Variants in CLCA2 observed in about 807,000 individuals in gnomAD.
CLCA2 encodes chloride channel accessory 2, also known as calcium-activated chloride channel regulator 2.
Under a neutral mutation model 82.9 loss-of-function variants are expected in CLCA2, and 85 were observed. The observed-to-expected ratio is 1.03, with a 90% CI of 0.86 to 1.23. The LOEUF (loss-of-function observed/expected upper bound fraction) is 1.23. CLCA2 is among the 50% of genes most tolerant of loss of function. The pLI, the probability that CLCA2 is intolerant of heterozygous loss-of-function variation, is 0.00. For synonymous variants in CLCA2, 421 were observed against 391.7 expected, an observed-to-expected ratio of 1.07 and a Z score of -0.88; for missense variants, 1,089 against 1,124.8, an observed-to-expected ratio of 0.97 and a Z score of 0.45.
In CLCA2 at chr1:86,455,504, G is replaced by C. The variant is rs755984194; in HGVS notation, c.2809G>C (p.Glu937Gln). 6.7e-7 allele frequency: 1 copy of C among 1,487,072 alleles called. No homozygotes were observed. The highest frequency in any genetic ancestry group is 2.3e-5 in the East Asian group (1 of 42,858). The allele number at this position is 1,487,072 out of a possible 1,614,324, so 92.1% of individuals were successfully genotyped here. A position where few individuals can be genotyped will look rare whatever the true frequency, so the allele number is the denominator to read the frequency against. Reference protein sequence around the residue: ...LSRKKRADKKENGTKLL With the variant: ...LSRKKRADKKQNGTKLL Reference sequence around the variant, plus strand: ...CAGGAAAAAGAGAGCAGACAAGAAAGAGAATGGAACAAAATTATTATAAAT... The same window carrying C: ...CAGGAAAAAGAGAGCAGACAAGAAACAGAATGGAACAAAATTATTATAAAT... Residue 937 changes from glutamate to glutamine, a missense_variant, in exon 14 of 14, where the codon GAG becomes CAG. Transcript: ENST00000370565.
At chr1:86,437,540 T>C (rs919217778) in intron 6 of CLCA2, among the ~76,000 whole-genome samples, 7 of 152,138 alleles carry the variant, frequency 4.6e-5, no homozygotes, top group African/African-American at 1.7e-4. Flanking sequence ...GGAGGACATT[T>C]GTGGGAAGAG....
chr1:86,440,967 A>G lies in CLCA2; in HGVS notation c.1382-470A>G, dbSNP rs563454948. ...ACACACACAGTGTTTTAAGATACAT[A>G]TCTTTTTATACTAAATAAGGCACAG... On this transcript the variant is annotated intron_variant, in intron 8 of 13. Transcript: ENST00000370565. Among the ~76,000 whole-genome samples the G allele has an allele frequency of 2.6e-5, 4 of 152,312 alleles. No homozygotes were observed. In the South Asian group the frequency reaches 8.3e-4, roughly 32 times the overall value.
chr1:86,434,584 A>G lies in CLCA2; in HGVS notation c.811A>G (p.Ser271Gly). The change falls in exon 6 of 14, where the codon AGC (serine) becomes GGC (glycine). Residue 271 changes from serine to glycine, a missense_variant. By Grantham distance (56) the Ser-to-Gly change is moderately conservative. Coordinates refer to ENST00000370565, the MANE Select transcript of CLCA2 (RefSeq NM_006536.7). ...EAPNLQNQMC[S>G]LRSAWDVITD... ...ACCAAACCTACAGAACCAGATGTGC[A>G]GCCTCAGAAGTGCATGGGATGTAAT... 6.2e-7 allele frequency: 1 copy of G among 1,614,126 alleles called. No individual in the cohort carries two copies.
At position 86,443,885 on chromosome 1, in the gene CLCA2, G is replaced by A. The variant is rs548600933; in HGVS notation, c.1587G>A (p.Thr529=). The A allele has an allele frequency of 8.1e-6, 13 of 1,613,792 alleles. No homozygotes were observed. The highest frequency in any genetic ancestry group is 4.5e-5 in the East Asian group (2 of 44,858). ...GCAACGACACTATGTTTCTAGTTAC[G>A]TGGCAGGCCAGTGGTCCTCCTGAGA... ...TVGNDTMFLV[T]WQASGPPEII... The change falls in exon 10 of 14, where the codon ACG becomes ACA. Residue 529 remains threonine, a synonymous_variant. Coordinates refer to ENST00000370565, the MANE Select transcript of CLCA2 (RefSeq NM_006536.7).
chr1:86,452,957 G>T (rs1049013544), intron 12 of CLCA2, among the ~76,000 whole-genome samples: 1 of 152,110 alleles, frequency 6.6e-6, no homozygotes, highest in Non-Finnish European at 1.5e-5. Context: ...GGCGGATCAC[G>T]AGGACAGGAG....
At chr1:86,438,072 T>G (rs759594528) in intron 6 of CLCA2, among the ~76,000 whole-genome samples, 2 of 152,122 alleles carry the variant, frequency 1.3e-5, no homozygotes, top group African/African-American at 2.4e-5. Flanking sequence ...CACTCCCAAC[T>G]AGTTAAGCCA....
intron 3 of CLCA2, among the ~76,000 whole-genome samples, chr1:86,429,131 T>A (rs1484874525): frequency 6.6e-6 from 1 of 152,082 alleles, no homozygotes; most frequent in Non-Finnish European, 1.5e-5. Flanking sequence ...TGGCTTCCTC[T>A]GATCAATGAA....
chr1:86,440,216 GCTT>G lies in CLCA2; in HGVS notation c.1276_1278del (p.Leu426del). On this transcript the variant is annotated inframe_deletion, in exon 8 of 14. Coordinates refer to ENST00000370565, the MANE Select transcript of CLCA2 (RefSeq NM_006536.7). ...TATTAGTGACCAGCGGAGATGATAA[GCTT>G]CTTGGCAATTGCTTACCCACTGTGC... 6.2e-7 allele frequency: 1 copy of G among 1,614,128 alleles called. No individual in the cohort carries two copies. Among genetic ancestry groups the G allele is most frequent in the South Asian group, 1.1e-5 (1 of 91,084 alleles).
rs1431387462 is a variant in CLCA2 at position 86,434,559 on chromosome 1, A to G, written c.786A>G (p.Ala262=). ...FCNASTHNQE[A]PNLQNQMCSL... is the part of the protein sequence containing the mutation. ...ATGCAAGTACCCACAACCAAGAAGCACCAAACCTACAGAACCAGATGTGCA... is the reference window on the plus strand; with the variant it reads ...ATGCAAGTACCCACAACCAAGAAGCGCCAAACCTACAGAACCAGATGTGCA... The change falls in exon 6 of 14, where the codon GCA becomes GCG. Residue 262 remains alanine, a synonymous_variant. Transcript: ENST00000370565. The G allele has an allele frequency of 6.2e-7, 1 of 1,614,088 alleles. No homozygotes were observed. The highest frequency in any genetic ancestry group is 1.1e-5 in the South Asian group (1 of 91,074).
In CLCA2 at chr1:86,447,585, C is replaced by T; in HGVS notation, c.1791C>T (p.Ala597=). Reference sequence around the variant, plus strand: ...TGAAAGTGACAGTGACCTCTCGCGCCTCCAACTCAGCTGTGCCCCCAGCCA... The same window carrying T: ...TGAAAGTGACAGTGACCTCTCGCGCTTCCAACTCAGCTGTGCCCCCAGCCA... The part of the protein sequence containing the change: ...QALKVTVTSR[A]SNSAVPPATV... Residue 597 remains alanine (A), a synonymous_variant, in exon 11 of 14, where the codon GCC becomes GCT. Transcript: ENST00000370565. 10 of 1,614,140 alleles carry T rather than the reference C, an allele frequency of 6.2e-6. No homozygotes were observed. Among genetic ancestry groups the T allele is most frequent in the Admixed American group, 1.7e-5 (1 of 60,004 alleles).
intron 7 of CLCA2, among the ~76,000 whole-genome samples, chr1:86,439,413 G>A (rs1662679021): frequency 6.6e-6 from 1 of 152,194 alleles, no homozygotes; most frequent in African/African-American, 2.4e-5. Context: ...TTTCTAAACT[G>A]TTCCTAGCCA....
chr1:86,431,070 T>A, intron 4 of CLCA2, 100 bp downstream of exon 4: 2 of 759,922 alleles, frequency 2.6e-6, no homozygotes, highest in Non-Finnish European at 4.2e-6. Context: ...GCAATTAATT[T>A]AATTGCAGCT....
intron 11 of CLCA2, among the ~76,000 whole-genome samples, chr1:86,449,383 T>C (rs1363902804): frequency 1.3e-5 from 2 of 152,348 alleles, no homozygotes; most frequent in South Asian, 2.1e-4. Context: ...CAAGCCAATG[T>C]TCTTTCCCCA....
chr1:86,429,580 G>T (rs1043013514), intron 3 of CLCA2, among the ~76,000 whole-genome samples: 1 of 152,184 alleles, frequency 6.6e-6, no homozygotes. Context: ...TGGGAGAGAA[G>T]TCAGGGTCAT....
rs148916741 is a variant in CLCA2 at position 86,450,140 on chromosome 1, A to G, written c.1985-423A>G. On this transcript the variant is annotated intron_variant, in intron 11 of 13. Coordinates refer to ENST00000370565, the MANE Select transcript of CLCA2 (RefSeq NM_006536.7). ...ACTTCAAGGCATTCATAAACCCTTG[A>G]AACTGTATGAAAATGTGTATATGTG... 2.0e-5 allele frequency among the ~76,000 whole-genome samples: 3 copies of G among 152,338 alleles called. No individual in the cohort carries two copies. The East Asian group carries it at 5.8e-4, about 29-fold the overall frequency.
chr1:86,445,185 A>G (rs1224629246), intron 10 of CLCA2, among the ~76,000 whole-genome samples: 1 of 152,024 alleles, frequency 6.6e-6, no homozygotes, highest in East Asian at 1.9e-4. Flanking sequence ...GGCATGAGCC[A>G]CCGCTCCCAC....
At chr1:86,435,434 A>G (rs1662588462) in intron 6 of CLCA2, among the ~76,000 whole-genome samples, 1 of 152,234 alleles carries the variant, frequency 6.6e-6, no homozygotes, top group Non-Finnish European at 1.5e-5. Flanking sequence ...ATTTGCAGTG[A>G]AAGTGAATGT....
intron 2 of CLCA2, among the ~76,000 whole-genome samples, chr1:86,426,434 C>A (rs1443128632): frequency 6.6e-6 from 1 of 152,074 alleles, no homozygotes; most frequent in African/African-American, 2.4e-5. Flanking sequence ...AATGGTATAG[C>A]AATCCAGATA....
intron 7 of CLCA2, 85 bp from the exon 8 acceptor site, chr1:86,440,063 G>T: frequency 1.2e-5 from 17 of 1,376,596 alleles, no homozygotes; most frequent in Non-Finnish European, 1.7e-5. Context: ...AGCTACAGTG[G>T]GAATTTGGAT....
Sources: gnomAD v4.1 joint callset for allele counts (sites outside exome capture counted in the v4.1 genomes callset) on GRCh38, gnomAD v4.1.1 for gene constraint, MANE v1.5 for transcripts, NCBI Gene and HGNC (gene_info 2026-07-23, HGNC 2026-07-21) for gene names.